The following POU6F1 variants were observed in gnomAD, a reference collection of about 807,000 sequenced individuals.
POU6F1 encodes POU class 6 homeobox 1.
In POU6F1, 9 loss-of-function variants were observed where a neutral mutation model predicts 28.9. The ratio of observed to expected loss-of-function variants is 0.31; its 90% CI spans 0.19 to 0.54. The LOEUF (loss-of-function observed/expected upper bound fraction) is 0.54, where lower values mean the gene tolerates loss of function less well. POU6F1 is among the 20% of genes least tolerant of loss of function. POU6F1 has a pLI of 0.94. For missense variants in POU6F1, 338 were observed against 426.1 expected, an observed-to-expected ratio of 0.79 and a Z score of 1.82; for synonymous variants, 173 against 171.1, an observed-to-expected ratio of 1.01 and a Z score of -0.09.
chr12:51,190,789 G>A lies in POU6F1; in HGVS notation c.1491-197C>T, dbSNP rs1311167787. ...GCCCAGACTCCTCAGACCCTCTGAT[G>A]TGCCCGGTCCTAACAGGGAAACCAT... is the stretch of plus-strand genomic sequence containing the variant. On this transcript the variant is annotated intron_variant, in intron 10 of 10. Coordinates refer to ENST00000333640, the MANE Select transcript of POU6F1 (RefSeq NM_001330422.2). The surrounding 1 kb of genome is among the most constrained non-coding windows in gnomAD (Gnocchi z 4.5). 1.3e-5 allele frequency among the ~76,000 whole-genome samples: 2 copies of A among 152,136 alleles called. No individual in the cohort carries two copies. Among genetic ancestry groups the A allele is most frequent in the African/African-American group, 4.8e-5 (2 of 41,438 alleles).
Position 51,206,772 on chromosome 12 carries a change from C to T in POU6F1, c.48+17G>A, listed in dbSNP as rs1278667326. ...CTCCATCACCCTTACCCCCCCACTT[C>T]CCACCCCAGAAGATACCTGCTCATT... On this transcript the variant is annotated intron_variant, in intron 2 of 10. Transcript: ENST00000333640. The T allele has an allele frequency of 2.5e-6, 1 of 398,686 alleles. No individual in the cohort carries two copies. The highest frequency in any genetic ancestry group is 4.4e-6 in the Non-Finnish European group (1 of 225,988). The allele number at this position is 398,686 out of a possible 1,614,324, so 24.7% of individuals were successfully genotyped here. A position where few individuals can be genotyped will look rare whatever the true frequency, so the allele number is the denominator to read the frequency against.
chr12:51,194,640 C>G (rs1045466264), intron 8 of POU6F1, among the ~76,000 whole-genome samples: 1 of 77,142 alleles, frequency 1.3e-5, no homozygotes, highest in Non-Finnish European at 2.7e-5. Context: ...ACCCTGGTCT[C>G]AAAAAAAAAA....
Position 51,190,199 on chromosome 12 carries a change from C to G in POU6F1, c.*48G>C, listed in dbSNP as rs201594593. ...TCATGGCAGTGGCTGCAGCCGGATG[C>G]CACGGGAAATGGACAAAGTGCTAGA... On this transcript the variant is annotated 3_prime_UTR_variant, in exon 11 of 11. Coordinates refer to ENST00000333640, the MANE Select transcript of POU6F1 (RefSeq NM_001330422.2). This position sits in a 1 kb window ranked among gnomAD's most constrained non-coding sequence, Gnocchi z 4.5. 6.3e-7 allele frequency: 1 copy of G among 1,587,352 alleles called. No individual in the cohort carries two copies. The highest frequency in any genetic ancestry group is 8.6e-7 in the Non-Finnish European group (1 of 1,166,220).
intron 1 of POU6F1, among the ~76,000 whole-genome samples, chr12:51,211,462 G>A (rs1256400208): frequency 1.3e-5 from 2 of 152,198 alleles, no homozygotes; most frequent in Non-Finnish European, 2.9e-5. Flanking sequence ...CGCAGGCAGG[G>A]CTGGGCACAG....
intron 8 of POU6F1, among the ~76,000 whole-genome samples, chr12:51,194,175 C>T (rs942442185): frequency 1.3e-5 from 2 of 152,042 alleles, no homozygotes; most frequent in African/African-American, 2.4e-5. Context: ...TACAGGTGCC[C>T]GCCACCACAC....
chr12:51,195,906 AG>A (rs1306918846), intron 8 of POU6F1, 63 bp downstream of exon 8: 8 of 1,483,760 alleles, frequency 5.4e-6, no homozygotes, highest in Non-Finnish European at 7.2e-6. Flanking sequence ...GGCAGTCTGG[AG>A]GGAAGCAGCC....
At chr12:51,191,498 G>T in intron 10 of POU6F1, 98 bp downstream of exon 10, 1 of 1,376,388 alleles carries the variant, frequency 7.3e-7, no homozygotes, top group Non-Finnish European at 9.9e-7. Flanking sequence ...GAGCAAGGGG[G>T]CATATGGAAA....
At chr12:51,198,869 C>G (rs563248923) in intron 4 of POU6F1, 94 bp from the exon 5 acceptor site, 2 of 397,426 alleles carry the variant, frequency 5.0e-6, no homozygotes, top group Non-Finnish European at 8.9e-6. Context: ...CAGCTGAGCA[C>G]AAACAAAGCA....
chr12:51,197,044 G>A (rs1035122431), intron 6 of POU6F1, 117 bp from the exon 7 acceptor site: 1 of 613,394 alleles, frequency 1.6e-6, no homozygotes, highest in African/African-American at 1.9e-5. Flanking sequence ...TCAGGCCCAT[G>A]TCTACCGGCT....
Position 51,189,108 on chromosome 12 carries a change from G to C in POU6F1, c.*1139C>G, listed in dbSNP as rs1173848629. ...CATGGTCTGAGACTCGACAAAATGAGATTTCTCCTCCCGTATCCAAGGCTT... is the reference window on the plus strand; with the variant it reads ...CATGGTCTGAGACTCGACAAAATGACATTTCTCCTCCCGTATCCAAGGCTT... On this transcript the variant is annotated 3_prime_UTR_variant, in exon 11 of 11. Transcript: ENST00000333640. The C allele has an allele frequency of 6.6e-6, 1 of 152,136 alleles. No individual in the cohort carries two copies. Among genetic ancestry groups the C allele is most frequent in the Non-Finnish European group, 1.5e-5 (1 of 68,026 alleles). 9.4% of individuals were successfully genotyped at this position (152,136 alleles called of 1,614,324 possible).
chr12:51,210,869 G>A (rs1319701913), intron 1 of POU6F1, among the ~76,000 whole-genome samples: 1 of 152,172 alleles, frequency 6.6e-6, no homozygotes, highest in Non-Finnish European at 1.5e-5. Context: ...CTTACCTTTA[G>A]ATGGCTCCTA....
At position 51,190,704 on chromosome 12, in the gene POU6F1, G is replaced by T; in HGVS notation, c.1491-112C>A. 2.0e-6 allele frequency: 3 copies of T among 1,477,202 alleles called. No individual in the cohort carries two copies. Among genetic ancestry groups the T allele is most frequent in the East Asian group, 2.3e-5 (1 of 43,540 alleles). The allele number at this position is 1,477,202 out of a possible 1,614,324, so 91.5% of individuals were successfully genotyped here. On this transcript the variant is annotated intron_variant, in intron 10 of 10. Coordinates refer to ENST00000333640, the MANE Select transcript of POU6F1 (RefSeq NM_001330422.2). The surrounding 1 kb of genome is among the most constrained non-coding windows in gnomAD (Gnocchi z 4.5). ...CAAGGGGCCGCTCCTCTAGGGGCTG[G>T]TGAGACTGTACCCAGTGCTCCCCTC...
chr12:51,198,574 T>G lies in POU6F1; in HGVS notation c.568A>C (p.Lys190Gln), dbSNP rs1462119200. Residue 190 changes from lysine (K) to glutamine (Q), a missense_variant, in exon 5 of 11, where the codon AAG becomes CAG. By Grantham distance (53) the Lys-to-Gln change is moderately conservative (BLOSUM62 1). Around this residue, in one of 3 missense-constraint regions of POU6F1, gnomAD observed 206 missense variants for 225.6 expected, o/e 0.91. Coordinates refer to ENST00000333640, the MANE Select transcript of POU6F1 (RefSeq NM_001330422.2). ...TAASPTGGVF[K>Q]PPLAGLQAAA... The stretch of plus-strand genomic sequence containing the variant: ...CCTTGGAGACCGGCTAAAGGTGGCT[T>G]GAACACTCCCCCCGTAGGAGAAGCA... 2.5e-6 allele frequency: 1 copy of G among 399,178 alleles called. No homozygotes were observed. The highest frequency in any genetic ancestry group is 4.4e-6 in the Non-Finnish European group (1 of 226,362). 24.7% of individuals were successfully genotyped at this position (399,178 alleles called of 1,614,324 possible). A position where few individuals can be genotyped will look rare whatever the true frequency, so the allele number is the denominator to read the frequency against.
chr12:51,215,644 G>A (rs1028189780), intron 1 of POU6F1, among the ~76,000 whole-genome samples: 5 of 150,098 alleles, frequency 3.3e-5, no homozygotes, highest in East Asian at 2.0e-4. Flanking sequence ...TTCCTAAAGC[G>A]CCCGTCTAAT....
intron 1 of POU6F1, among the ~76,000 whole-genome samples, chr12:51,212,095 T>G (rs896772902): frequency 9.2e-5 from 14 of 151,894 alleles, no homozygotes; most frequent in African/African-American, 2.9e-4. Context: ...TTTGTTTGTT[T>G]GTTTGTTTGT....
chr12:51,208,710 G>A (rs1244477339), intron 1 of POU6F1, among the ~76,000 whole-genome samples: 1 of 152,190 alleles, frequency 6.6e-6, no homozygotes, highest in Non-Finnish European at 1.5e-5. Flanking sequence ...ACTTAGGCAG[G>A]TGGACTGCTT....
Position 51,190,258 on chromosome 12 carries a change from G to T in POU6F1, c.1825C>A (p.Gln609Lys). 1 of 1,614,110 alleles carries T rather than the reference G, an allele frequency of 6.2e-7. No homozygotes were observed. Among genetic ancestry groups the T allele is most frequent in the South Asian group, 1.1e-5 (1 of 91,060 alleles). Residue 609 changes from glutamine (Q) to lysine (K), a missense_variant, in exon 11 of 11, where the codon CAG (glutamine) becomes AAG (lysine). Gln to Lys is a moderately conservative substitution (Grantham distance 53, BLOSUM62 1). This residue lies in a region of POU6F1 where 126 missense variants were observed against 176.5 expected (regional missense o/e 0.71). Coordinates refer to ENST00000333640, the MANE Select transcript of POU6F1 (RefSeq NM_001330422.2). The surrounding 1 kb of genome is among the most constrained non-coding windows in gnomAD (Gnocchi z 4.5). The part of the protein sequence containing the change: ...LKNTSKLNVF[Q>K]IP Reference sequence around the variant, plus strand: ...CCAGGGGCTGAGCCCTAAGGGATCTGAAAGACGTTCAGCTTGCTGGTGTTC... The same window carrying T: ...CCAGGGGCTGAGCCCTAAGGGATCTTAAAGACGTTCAGCTTGCTGGTGTTC...
At chr12:51,213,539 T>C (rs979859719) in intron 1 of POU6F1, among the ~76,000 whole-genome samples, 2 of 151,902 alleles carry the variant, frequency 1.3e-5, no homozygotes, top group African/African-American at 4.8e-5. Context: ...TTTTATTTTA[T>C]TTTATTTTTT....
chr12:51,200,680 C>T (rs906080966), intron 3 of POU6F1, among the ~76,000 whole-genome samples: 47 of 152,182 alleles, frequency 3.1e-4, no homozygotes, highest in Admixed American at 1.3e-3. Flanking sequence ...TCACTGGCTT[C>T]TTTTTATTTT....
Sources: allele counts gnomAD v4.1 joint callset (sites outside exome capture counted in the v4.1 genomes callset), GRCh38; gene constraint gnomAD v4.1.1; regional missense constraint gnomAD v4.1.1; non-coding constraint Gnocchi (gnomAD v3.1); transcripts MANE v1.5; gene names NCBI Gene and HGNC (gene_info 2026-07-23, HGNC 2026-07-21).